VASH2: variants seen among roughly 807,000 people sequenced by gnomAD.
The protein encoded by VASH2 is vasohibin 2.
A neutral mutation model predicts 37.2 loss-of-function variants in VASH2; 28 were observed. The ratio of observed to expected loss-of-function variants is 0.75; its 90% CI spans 0.56 to 1.03. The LOEUF (loss-of-function observed/expected upper bound fraction) is 1.03, where lower values mean the gene tolerates loss of function less well. Among genes scored for constraint, VASH2 ranks in the 50% least tolerant of loss-of-function variants. The probability of loss-of-function intolerance (pLI) is 0.00; values close to 1 mark genes in which losing one functional copy is unlikely to be tolerated. For missense variants in VASH2, 419 were observed against 459.1 expected (o/e 0.91, Z 0.80); for synonymous variants, 188 against 174.7 (o/e 1.08, Z -0.60).
At chr1:212,965,498 A>G (rs897725942) in intron 3 of VASH2, among the ~76,000 whole-genome samples, 3 of 152,218 alleles carry the variant, frequency 2.0e-5, no homozygotes, top group Admixed American at 1.3e-4. Flanking sequence ...GAAAAGAGCT[A>G]TTATAAAGGT....
chr1:212,962,295 G>A (rs1283000125), intron 3 of VASH2, among the ~76,000 whole-genome samples: 1 of 152,192 alleles, frequency 6.6e-6, no homozygotes, highest in Non-Finnish European at 1.5e-5. Flanking sequence ...GTATTTTATA[G>A]AGGAGTCAGA....
chr1:212,966,713 G>A lies in VASH2; in HGVS notation c.497+368G>A, dbSNP rs117507981. 1.1e-4 allele frequency among the ~76,000 whole-genome samples: 17 copies of A among 152,282 alleles called. No homozygotes were observed. The East Asian group carries it at 3.1e-3, about 28-fold the overall frequency. ...ACATTGCAGCAGGAAAGACAGTCAA[G>A]GGGAAATGCAATCAGAGCCAAGAGT... On this transcript the variant is annotated intron_variant, in intron 5 of 7. Transcript: ENST00000517399.
At chr1:212,961,473 C>G in intron 3 of VASH2, 1 of 928,784 alleles carries the variant, frequency 1.1e-6, no homozygotes, top group Non-Finnish European at 1.5e-6. Context: ...TTGAGCCCTT[C>G]TGCTTCTCTT....
rs540855976 is a variant in VASH2 at position 212,955,265 on chromosome 1, A to G, written c.276+3447A>G. Among the ~76,000 whole-genome samples, 10 of 152,248 alleles carry G rather than the reference A, an allele frequency of 6.6e-5. 1 individual carries two copies. The South Asian group carries it at 2.1e-3, about 32-fold the overall frequency. ...AAGGGCCTGCATGGAGGACTAAATG[A>G]CACTTCATTTGACTACAGGACATTC... is the stretch of plus-strand genomic sequence containing the variant. On this transcript the variant is annotated intron_variant, in intron 2 of 7. Transcript: ENST00000517399.
chr1:212,985,977 G>A (rs1413157748), intron 7 of VASH2, among the ~76,000 whole-genome samples: 2 of 152,116 alleles, frequency 1.3e-5, no homozygotes, highest in Non-Finnish European at 1.5e-5. Context: ...GATGGGAGAC[G>A]GGTGTTTTAT....
chr1:212,981,702 G>T (rs1186480025), intron 7 of VASH2, among the ~76,000 whole-genome samples: 1 of 152,218 alleles, frequency 6.6e-6, no homozygotes, highest in Non-Finnish European at 1.5e-5. Flanking sequence ...GTGTGAGGGT[G>T]AGCACCTGCC....
At chr1:212,964,949 A>G (rs1666795179) in intron 3 of VASH2, among the ~76,000 whole-genome samples, 1 of 148,140 alleles carries the variant, frequency 6.8e-6, no homozygotes, top group African/African-American at 2.5e-5. Flanking sequence ...TAGACAGAAT[A>G]TCACTATGTT....
intron 6 of VASH2, 198 bp from the exon 7 acceptor site, chr1:212,973,757 G>A: frequency 7.3e-7 from 1 of 1,367,316 alleles, no homozygotes; most frequent in Non-Finnish European, 9.5e-7. Context: ...TGGAAGTGGT[G>A]CCCTTGCTGC....
intron 7 of VASH2, among the ~76,000 whole-genome samples, chr1:212,979,721 C>T (rs1667284088): frequency 6.6e-6 from 1 of 152,194 alleles, no homozygotes; most frequent in Non-Finnish European, 1.5e-5. Context: ...GACCAAGTTT[C>T]AAGAGGGAAA....
chr1:212,963,799 A>G (rs1386791142), intron 3 of VASH2, among the ~76,000 whole-genome samples: 1 of 151,856 alleles, frequency 6.6e-6, no homozygotes, highest in African/African-American at 2.4e-5. Context: ...CGTTTGTCTC[A>G]TTTGTTACAC....
chr1:212,978,850 T>C (rs1667256658), intron 7 of VASH2, among the ~76,000 whole-genome samples: 1 of 152,194 alleles, frequency 6.6e-6, no homozygotes, highest in African/African-American at 2.4e-5. Context: ...CCCTTGCCAC[T>C]TCTTTTCTCT....
At chr1:212,973,547 C>T in intron 6 of VASH2, 1 of 1,287,122 alleles carries the variant, frequency 7.8e-7, no homozygotes, top group Non-Finnish European at 1.0e-6. Flanking sequence ...CAATTAAAAC[C>T]ATTCTGTCAT....
At chr1:212,982,674 C>T (rs1311427649) in intron 7 of VASH2, among the ~76,000 whole-genome samples, 2 of 152,194 alleles carry the variant, frequency 1.3e-5, no homozygotes, top group Non-Finnish European at 2.9e-5. Flanking sequence ...TGCCCTATGC[C>T]AGCCAAGGAG....
At chr1:212,963,558 A>AC (rs201036551) in intron 3 of VASH2, among the ~76,000 whole-genome samples, 1,668 of 152,136 alleles carry the variant, frequency 0.011, 54 homozygotes, top group African/African-American at 0.038. Flanking sequence ...CTCGGCAGCA[A>AC]CCAACAAGAG....
intron 2 of VASH2, among the ~76,000 whole-genome samples, chr1:212,960,714 A>G (rs76989378): frequency 0.019 from 2,816 of 152,198 alleles, 170 homozygotes; most frequent in Admixed American, 0.13. Flanking sequence ...ATTCTGTGTA[A>G]ATGTTGCCCT....
chr1:212,960,294 G>A (rs1192878047), intron 2 of VASH2, among the ~76,000 whole-genome samples: 1 of 152,194 alleles, frequency 6.6e-6, no homozygotes, highest in African/African-American at 2.4e-5. Flanking sequence ...AGACATTCAG[G>A]GAGTGTTGAT....
In VASH2 at chr1:212,990,778, C is replaced by T. The variant is rs1320497041; in HGVS notation, c.*2194C>T. 6.6e-6 allele frequency: 1 copy of T among 152,116 alleles called. No homozygotes were observed. The highest frequency in any genetic ancestry group is 1.5e-5 in the Non-Finnish European group (1 of 68,030). The allele number at this position is 152,116 out of a possible 1,614,324, so 9.4% of individuals were successfully genotyped here. On this transcript the variant is annotated 3_prime_UTR_variant, in exon 8 of 8. Coordinates refer to ENST00000517399, the MANE Select transcript of VASH2 (RefSeq NM_001301056.2). ...ATTTTCCCAAAGCAAGGTTTAGTCA[C>T]ACAAACTTGAAAGTACATTTAAAAT...
At position 212,988,655 on chromosome 1, in the gene VASH2, G is replaced by C; in HGVS notation, c.*71G>C. 1 of 1,454,952 alleles carries C rather than the reference G, an allele frequency of 6.9e-7. No homozygotes were observed. The allele number at this position is 1,454,952 out of a possible 1,614,324, so 90.1% of individuals were successfully genotyped here. On this transcript the variant is annotated 3_prime_UTR_variant, in exon 8 of 8. Coordinates refer to ENST00000517399, the MANE Select transcript of VASH2 (RefSeq NM_001301056.2). ...TGCACTTTACCCAGCATCTTCAGGAGGAACTGCAACTATTTATTAAGAACT... is the reference window on the plus strand; with the variant it reads ...TGCACTTTACCCAGCATCTTCAGGACGAACTGCAACTATTTATTAAGAACT...
At chr1:212,953,222 C>T (rs558679888) in intron 2 of VASH2, among the ~76,000 whole-genome samples, 10 of 109,626 alleles carry the variant, frequency 9.1e-5, no homozygotes, top group Non-Finnish European at 1.8e-4. Flanking sequence ...ACCATGTATG[C>T]GGGTGCGCGG....
Sources: gnomAD v4.1 joint callset for allele counts (sites outside exome capture counted in the v4.1 genomes callset) on GRCh38, gnomAD v4.1.1 for gene constraint, MANE v1.5 for transcripts, NCBI Gene and HGNC (gene_info 2026-07-23, HGNC 2026-07-21) for gene names.